Variants in TPH2 observed in about 807,000 individuals in gnomAD.
TPH2 encodes the protein tryptophan hydroxylase 2, also known as tryptophan 5-hydroxylase 2.
A neutral mutation model predicts 59.1 loss-of-function variants in TPH2; 27 were observed. The observed-to-expected ratio is 0.46, with a 90% confidence interval of 0.34 to 0.63. The LOEUF (loss-of-function observed/expected upper bound fraction) is 0.63. Among genes scored for constraint, TPH2 ranks in the 30% least tolerant of loss-of-function variants. The pLI is 0.01. For missense variants in TPH2, 523 were observed against 588.3 expected, an observed-to-expected ratio of 0.89 and a Z score of 1.15; for synonymous variants, 220 against 210.5, an observed-to-expected ratio of 1.05 and a Z score of -0.39.
At chr12:72,021,306 T>C (rs4503586) in intron 8 of TPH2, among the ~76,000 whole-genome samples, 79,417 of 150,936 alleles carry the variant, frequency 0.53, 22,228 homozygotes, top group Non-Finnish European at 0.64. Context: ...AAGATATTAA[T>C]GTCCTGGGGA....
chr12:71,961,467 A>G, intron 5 of TPH2: 1 of 1,219,472 alleles, frequency 8.2e-7, no homozygotes. Flanking sequence ...CCTAGTAGTT[A>G]GCTGTGTTCT....
intron 5 of TPH2, among the ~76,000 whole-genome samples, chr12:71,960,971 A>G (rs1305997806): frequency 6.6e-6 from 1 of 152,168 alleles, no homozygotes; most frequent in Non-Finnish European, 1.5e-5. Flanking sequence ...TATATTGAGT[A>G]CCTATTAGGC....
intron 9 of TPH2, among the ~76,000 whole-genome samples, chr12:72,025,677 G>T (rs775382697): frequency 6.6e-6 from 1 of 152,134 alleles, no homozygotes; most frequent in Admixed American, 6.6e-5. Flanking sequence ...TTACAGGAAT[G>T]CCAAAAAGTG....
intron 8 of TPH2, among the ~76,000 whole-genome samples, chr12:72,000,778 G>T (rs574118623): frequency 1.3e-5 from 2 of 152,240 alleles, no homozygotes; most frequent in Admixed American, 6.5e-5. Context: ...ATCTATGAGA[G>T]CCATGTCATT....
At chr12:72,005,967 G>A (rs1431200612) in intron 8 of TPH2, among the ~76,000 whole-genome samples, 1 of 152,082 alleles carries the variant, frequency 6.6e-6, no homozygotes, top group Non-Finnish European at 1.5e-5. Context: ...AGTAGCAAAA[G>A]TATTCTAAAG....
chr12:71,949,394 A>C (rs550445065), intron 4 of TPH2, among the ~76,000 whole-genome samples, 194 bp from the exon 5 acceptor site: 1 of 152,258 alleles, frequency 6.6e-6, no homozygotes, highest in East Asian at 1.9e-4. Flanking sequence ...ACACATCCTA[A>C]ATTAGTATAG....
At chr12:71,943,285 G>C (rs1026820306) in intron 2 of TPH2, among the ~76,000 whole-genome samples, 4 of 152,172 alleles carry the variant, frequency 2.6e-5, no homozygotes, top group Non-Finnish European at 4.4e-5. Flanking sequence ...TATCTATCCT[G>C]TTCCTATGCT....
intron 4 of TPH2, among the ~76,000 whole-genome samples, chr12:71,946,780 G>C (rs1871207929): frequency 6.6e-6 from 1 of 152,118 alleles, no homozygotes; most frequent in African/African-American, 2.4e-5. Context: ...TAAGAGTAAG[G>C]TTGCCGAGGC....
At chr12:71,964,603 A>T (rs1871764444) in intron 5 of TPH2, 2 of 985,228 alleles carry the variant, frequency 2.0e-6, no homozygotes, top group Admixed American at 6.2e-5. Flanking sequence ...TGCAGGTGAT[A>T]CTATTTCATG....
intron 1 of TPH2, among the ~76,000 whole-genome samples, chr12:71,941,062 G>A (rs1280406136): frequency 6.6e-6 from 1 of 152,164 alleles, no homozygotes. Context: ...ACTGAAGAAA[G>A]TAATACTACC....
chr12:71,949,607 A>G lies in TPH2; in HGVS notation c.560A>G (p.Tyr187Cys), dbSNP rs1319439550. ...ADHPGFKDNV[Y>C]RQRRKYFVDV... ...TTTAAGGGATTTAAGGACAATGTCT[A>G]TCGACAGAGAAGAAAGTATTTTGTG... The change falls in exon 5 of 11, where the codon TAT becomes TGT. Residue 187 changes from tyrosine to cysteine, a missense_variant. Physicochemically the swap from Tyr to Cys is radical, Grantham distance 194 (BLOSUM62 -2). Coordinates refer to ENST00000333850, the MANE Select transcript of TPH2 (RefSeq NM_173353.4). 1.9e-6 allele frequency: 3 copies of G among 1,613,228 alleles called. No individual in the cohort carries two copies. The highest frequency in any genetic ancestry group is 2.5e-6 in the Non-Finnish European group (3 of 1,179,296).
intron 5 of TPH2, among the ~76,000 whole-genome samples, chr12:71,967,806 A>G (rs2139200052): frequency 6.6e-6 from 1 of 152,346 alleles, no homozygotes; most frequent in African/African-American, 2.4e-5. Flanking sequence ...CCTTAGCAAC[A>G]TCTAATTTCC....
intron 7 of TPH2, among the ~76,000 whole-genome samples, chr12:71,987,361 C>T (rs183697379): frequency 2.6e-5 from 4 of 152,212 alleles, no homozygotes; most frequent in African/African-American, 7.2e-5. Flanking sequence ...CACTGCAGAC[C>T]GAAATACGAA....
chr12:72,017,419 C>T (rs1873289057), intron 8 of TPH2, among the ~76,000 whole-genome samples: 1 of 152,270 alleles, frequency 6.6e-6, no homozygotes, highest in African/African-American at 2.4e-5. Flanking sequence ...TCTGAGCTAT[C>T]ATTTCTGTTT....
At chr12:71,992,856 T>C (rs1041849397) in intron 7 of TPH2, among the ~76,000 whole-genome samples, 1 of 152,260 alleles carries the variant, frequency 6.6e-6, no homozygotes, top group Non-Finnish European at 1.5e-5. Context: ...CATTTCTTCA[T>C]ATGTAAAATG....
intron 6 of TPH2, among the ~76,000 whole-genome samples, chr12:71,974,446 A>ACT (rs1167958674): frequency 1.3e-5 from 2 of 151,390 alleles, no homozygotes; most frequent in African/African-American, 4.9e-5. Context: ...TGGCTCGTGG[A>ACT]CTCTTCTTTG....
chr12:71,997,138 A>G (rs1872712413), intron 8 of TPH2, among the ~76,000 whole-genome samples: 1 of 152,122 alleles, frequency 6.6e-6, no homozygotes, highest in African/African-American at 2.4e-5. Context: ...GGCCGTCTGC[A>G]TTCCTTGGCT....
At chr12:72,029,003 C>A (rs531014942) in intron 9 of TPH2, among the ~76,000 whole-genome samples, 1 of 152,158 alleles carries the variant, frequency 6.6e-6, no homozygotes, top group African/African-American at 2.4e-5. Context: ...TGACTAAATA[C>A]GTATCTGGCT....
chr12:71,944,550 G>T, intron 3 of TPH2, 36 bp from the exon 4 acceptor site: 1 of 1,613,682 alleles, frequency 6.2e-7, no homozygotes, highest in Non-Finnish European at 8.5e-7. Context: ...CACAATCTGT[G>T]AACTAATATT....
Sources: gnomAD v4.1 joint callset for allele counts (sites outside exome capture counted in the v4.1 genomes callset) on GRCh38, gnomAD v4.1.1 for gene constraint, MANE v1.5 for transcripts, NCBI Gene and HGNC (gene_info 2026-07-23, HGNC 2026-07-21) for gene names.